The following GRID2 variants were observed in gnomAD, a reference collection of about 807,000 sequenced individuals.
GRID2 encodes glutamate ionotropic receptor delta type subunit 2.
Under a neutral mutation model 114.8 loss-of-function variants are expected in GRID2, and 33 were observed. The observed-to-expected ratio is 0.29, with a 90% CI of 0.22 to 0.38. The LOEUF is 0.38. Among genes scored for constraint, GRID2 ranks in the 10% least tolerant of loss-of-function variants. The pLI is 1.00. For missense variants in GRID2, 1,184 were observed against 1,257.7 expected (o/e 0.94, Z 0.89); for synonymous variants, 505 against 449.9 (o/e 1.12, Z -1.55).
exon 2 of GRID2, chr4:93,810,136 A>G (rs564341165): frequency 6.6e-6 from 1 of 152,330 alleles, no homozygotes; most frequent in East Asian, 1.9e-4. Context: ...GGAGTCACCT[A>G]CGGCCACACG....
rs13142615 is a variant in GRID2 at position 93,238,619 on chromosome 4, A to G, written c.1245+129A>G. The G allele has an allele frequency of 0.61, 322,941 of 526,658 alleles. 100,599 individuals carry two copies. Among genetic ancestry groups the G allele is most frequent in the African/African-American group, 0.79 (38,547 of 48,882 alleles). 32.6% of individuals were successfully genotyped at this position (526,658 alleles called of 1,614,324 possible). A position where few individuals can be genotyped will look rare whatever the true frequency, so the allele number is the denominator to read the frequency against. ...AGTGTGAAAGAGAAAGCAGGGGGTGAGGGGAAATTAGGCATTGAAATGACT... is the reference window on the plus strand; with the variant it reads ...AGTGTGAAAGAGAAAGCAGGGGGTGGGGGGAAATTAGGCATTGAAATGACT... On this transcript the variant is annotated intron_variant, in intron 8 of 15. Transcript: ENST00000282020.
In GRID2 at chr4:93,016,617, C is replaced by T. The variant is rs565208353; in HGVS notation, c.245-68378C>T. The stretch of plus-strand genomic sequence containing the variant: ...TGAATGTGGTGGAATGTAGAGGTGT[C>T]CAAAGAAGGAGCAAGGGAAAGAATC... On this transcript the variant is annotated intron_variant, in intron 2 of 15. Transcript: ENST00000282020. Among the ~76,000 whole-genome samples the T allele has an allele frequency of 1.1e-3, 171 of 151,928 alleles. 1 individual carries two copies. The highest frequency in any genetic ancestry group is 3.7e-3 in the African/African-American group (152 of 41,410).
At chr4:93,799,979 A>G (rs1734895738) in intron 1 of GRID2, among the ~76,000 whole-genome samples, 2 of 152,336 alleles carry the variant, frequency 1.3e-5, no homozygotes, top group South Asian at 4.1e-4. Context: ...GCATCAAAAC[A>G]TTTAAAAGAC....
chr4:93,740,511 C>T (rs1000076498), intron 14 of GRID2, among the ~76,000 whole-genome samples: 19 of 152,294 alleles, frequency 1.2e-4, no homozygotes, highest in Admixed American at 5.9e-4. Flanking sequence ...CAATCACTTA[C>T]GTTAAAGAAA....
At chr4:93,470,740 G>T (rs961441730) in intron 11 of GRID2, among the ~76,000 whole-genome samples, 1 of 151,936 alleles carries the variant, frequency 6.6e-6, no homozygotes, top group Non-Finnish European at 1.5e-5. Context: ...AACAAATATT[G>T]TGTAATGCAC....
intron 11 of GRID2, among the ~76,000 whole-genome samples, chr4:93,461,131 C>T (rs1723704070): frequency 6.6e-6 from 1 of 152,140 alleles, no homozygotes; most frequent in African/African-American, 2.4e-5. Context: ...TCCCACTGCT[C>T]CCTTAAATGA....
intron 2 of GRID2, among the ~76,000 whole-genome samples, chr4:92,827,042 A>C (rs974685058): frequency 6.6e-6 from 1 of 152,012 alleles, no homozygotes; most frequent in African/African-American, 2.4e-5. Context: ...ATTGAAATAC[A>C]CTTCTCCCCT....
chr4:93,247,847 A>T (rs1030372324), intron 8 of GRID2, among the ~76,000 whole-genome samples: 6 of 152,034 alleles, frequency 3.9e-5, no homozygotes, highest in Non-Finnish European at 8.8e-5. Context: ...AATTGTGAGG[A>T]ATTTAGCTAC....
intron 2 of GRID2, among the ~76,000 whole-genome samples, chr4:92,708,388 C>T (rs1040389074): frequency 6.6e-6 from 1 of 152,072 alleles, no homozygotes; most frequent in Non-Finnish European, 1.5e-5. Flanking sequence ...CAATTTCTGT[C>T]GTTATTTCCT....
chr4:92,730,056 A>G (rs956132366), intron 2 of GRID2, among the ~76,000 whole-genome samples: 5 of 152,008 alleles, frequency 3.3e-5, no homozygotes, highest in African/African-American at 7.2e-5. Flanking sequence ...TAGCTCTTGT[A>G]TTAGTTGCTA....
chr4:92,392,100 G>A (rs1244718011), intron 1 of GRID2, among the ~76,000 whole-genome samples: 1 of 152,092 alleles, frequency 6.6e-6, no homozygotes, highest in Non-Finnish European at 1.5e-5. Context: ...GATTTACATT[G>A]ATTGACCTAG....
chr4:92,555,765 C>T (rs1455990266), intron 1 of GRID2, among the ~76,000 whole-genome samples: 1 of 151,966 alleles, frequency 6.6e-6, no homozygotes, highest in Non-Finnish European at 1.5e-5. Context: ...TGTGATGTTG[C>T]GTATTGGACC....
intron 1 of GRID2, among the ~76,000 whole-genome samples, chr4:92,466,861 A>G (rs1262043351): frequency 6.6e-6 from 1 of 151,754 alleles, no homozygotes; most frequent in Non-Finnish European, 1.5e-5. Flanking sequence ...ATATGTAAAC[A>G]TACCACCTTA....
At chr4:93,154,438 C>G (rs1183974320) in intron 4 of GRID2, among the ~76,000 whole-genome samples, 1 of 151,908 alleles carries the variant, frequency 6.6e-6, no homozygotes, top group Non-Finnish European at 1.5e-5. Flanking sequence ...TTGCCTTTAT[C>G]TCTTCTGATT....
chr4:93,523,868 A>C lies in GRID2; in HGVS notation c.2193+8457A>C, dbSNP rs540532421. Among the ~76,000 whole-genome samples, 6 of 152,272 alleles carry C rather than the reference A, an allele frequency of 3.9e-5. No individual in the cohort carries two copies. The East Asian group carries it at 1.2e-3, about 30-fold the overall frequency. On this transcript the variant is annotated intron_variant, in intron 13 of 15. Transcript: ENST00000282020. ...TGCACCATGTTGCACAAAGGAAAAA[A>C]GGCTGTGAGTAGAAAACAGATTTCA...
intron 11 of GRID2, among the ~76,000 whole-genome samples, chr4:93,483,436 A>C (rs2149449484): frequency 6.6e-6 from 1 of 152,090 alleles, no homozygotes; most frequent in African/African-American, 2.4e-5. Flanking sequence ...TTACAAATTA[A>C]AAATGTTGTG....
chr4:93,634,979 G>A (rs888377062), intron 14 of GRID2, among the ~76,000 whole-genome samples: 1 of 151,880 alleles, frequency 6.6e-6, no homozygotes, highest in African/African-American at 2.4e-5. Flanking sequence ...GTTTGCATCA[G>A]CTGTATTTCA....
intron 14 of GRID2, among the ~76,000 whole-genome samples, chr4:93,754,570 G>A (rs1732593235): frequency 6.6e-6 from 1 of 152,130 alleles, no homozygotes. Flanking sequence ...TAGACAGAGT[G>A]TAGTATCCAG....
At chr4:93,432,766 G>A (rs890093060) in intron 10 of GRID2, among the ~76,000 whole-genome samples, 2 of 152,106 alleles carry the variant, frequency 1.3e-5, no homozygotes, top group Admixed American at 6.5e-5. Flanking sequence ...ATCATGTATT[G>A]ATATTGGTTC....
Sources: gnomAD v4.1 joint callset for allele counts (sites outside exome capture counted in the v4.1 genomes callset) on GRCh38, gnomAD v4.1.1 for gene constraint, MANE v1.5 for transcripts, NCBI Gene and HGNC (gene_info 2026-07-23, HGNC 2026-07-21) for gene names.